The following DGKZ variants were observed in gnomAD, a reference collection of about 807,000 sequenced individuals.
The protein encoded by DGKZ is diacylglycerol kinase zeta.
Under a neutral mutation model 142.5 loss-of-function variants are expected in DGKZ, and 45 were observed. That is an observed-to-expected ratio of 0.32 (90% confidence interval 0.25 to 0.40). The LOEUF (loss-of-function observed/expected upper bound fraction) is 0.40. Among genes scored for constraint, DGKZ ranks in the 10% least tolerant of loss-of-function variants. The pLI, the probability that DGKZ is intolerant of heterozygous loss-of-function variation, is 1.00. For synonymous variants in DGKZ, 442 were observed against 527.0 expected (o/e 0.84, Z 2.21); for missense variants, 755 against 1,306.5 (o/e 0.58, Z 6.51).
In DGKZ at chr11:46,374,386, T is replaced by G; in HGVS notation, c.1406-13T>G. On this transcript the variant is annotated splice_polypyrimidine_tract_variant and intron_variant, in intron 15 of 30. Transcript: ENST00000527911. ...GGGTGACTCACTGGCCCCCACTGCTTGTCTCCACCCAGAGGCCAACCCAGA... is the reference window on the plus strand; with the variant it reads ...GGGTGACTCACTGGCCCCCACTGCTGGTCTCCACCCAGAGGCCAACCCAGA... 1 of 1,613,986 alleles carries G rather than the reference T, an allele frequency of 6.2e-7. No homozygotes were observed. The highest frequency in any genetic ancestry group is 8.5e-7 in the Non-Finnish European group (1 of 1,180,020).
At position 46,378,456 on chromosome 11, in the gene DGKZ, G is replaced by A; in HGVS notation, c.2375-1G>A. 1 of 1,601,910 alleles carries A rather than the reference G, an allele frequency of 6.2e-7. No homozygotes were observed. The highest frequency in any genetic ancestry group is 8.5e-7 in the Non-Finnish European group (1 of 1,172,624). On this transcript the variant is annotated splice_acceptor_variant, in intron 26 of 30. Coordinates refer to ENST00000527911, the Ensembl canonical transcript of DGKZ. LOFTEE classifies it high-confidence loss of function. The stretch of plus-strand genomic sequence containing the variant: ...GAGTAACAGGCAGGTATTCCGTGCA[G>A]GTGAAGAGCTGATTGAGGCTGCCAA...
At chr11:46,375,043 T>G in exon 19 of DGKZ, 1 of 1,594,616 alleles carries the variant, frequency 6.3e-7, no homozygotes, top group Non-Finnish European at 8.5e-7. Flanking sequence ...CATGACGTCG[T>G]TGGTGAGTGG....
chr11:46,342,671 C>A (rs1054289316), upstream of DGKZ, among the ~76,000 whole-genome samples: 2 of 152,178 alleles, frequency 1.3e-5, no homozygotes, highest in African/African-American at 2.4e-5. Context: ...GCCTTGGGGG[C>A]ATTACATGGC....
intron 4 of DGKZ, chr11:46,368,724 A>G (rs1231422691): frequency 5.5e-6 from 1 of 182,428 alleles, no homozygotes; most frequent in Admixed American, 5.4e-5. Context: ...ATAAGGCTGA[A>G]GTAGGGACAG....
At chr11:46,377,018 C>T (rs1162857831) in intron 24 of DGKZ, 55 bp from the exon 25 acceptor site, 1 of 1,513,776 alleles carries the variant, frequency 6.6e-7, no homozygotes, top group African/African-American at 1.4e-5. Flanking sequence ...GCCTTGCTGC[C>T]CCTCGGCCCC....
At chr11:46,373,063 G>C in exon 14 of DGKZ, 10 of 1,544,576 alleles carry the variant, frequency 6.5e-6, no homozygotes, top group Non-Finnish European at 7.9e-6. Flanking sequence ...CAACCCCGAG[G>C]CAGGGCCTGA....
chr11:46,376,134 A>T lies in DGKZ; in HGVS notation c.2080A>T (p.Arg694Ter). The T allele has an allele frequency of 6.2e-7, 1 of 1,610,924 alleles. No homozygotes were observed. Among genetic ancestry groups the T allele is most frequent in the Non-Finnish European group, 8.5e-7 (1 of 1,179,872 alleles). ...AGAGCTCTGCCGTGCCCACATTGAG[A>T]GACTCCAGCAGGTAAGGGGTGGGGG... The change falls in exon 22 of 31, where the codon AGA becomes TGA. Residue 694 changes from arginine (R) to a stop codon, truncating the protein, a stop_gained. Transcript: ENST00000527911. LOFTEE classifies it high-confidence loss of function.
chr11:46,361,957 C>G (rs1395737377), intron 1 of DGKZ: 1 of 152,552 alleles, frequency 6.6e-6, no homozygotes, highest in Non-Finnish European at 1.5e-5. Flanking sequence ...CCCACCTGCT[C>G]CCCGAGGTAC....
Position 46,367,705 on chromosome 11 carries a change from C to T in DGKZ, c.324C>T (p.Asp108=), listed in dbSNP as rs779045779. 2 of 1,612,104 alleles carry T rather than the reference C, an allele frequency of 1.2e-6. No homozygotes were observed. The highest frequency in any genetic ancestry group is 2.7e-5 in the African/African-American group (2 of 74,904). The change falls in exon 3 of 31, where the codon GAC becomes GAT. Residue 108 remains aspartate, a synonymous_variant. Transcript: ENST00000527911. This position sits in a 1 kb window ranked among gnomAD's most constrained non-coding sequence, Gnocchi z 4.1. ...GGTTCGAGACCAACGTGTCCGGGGA[C>T]TTCTGCTACGTTGGGGAGCAGTACT... is the stretch of plus-strand genomic sequence containing the variant.
chr11:46,373,108 T>A lies in DGKZ; in HGVS notation c.1326+7T>A, dbSNP rs920073888. 2 of 1,541,448 alleles carry A rather than the reference T, an allele frequency of 1.3e-6. No homozygotes were observed. Among genetic ancestry groups the A allele is most frequent in the Non-Finnish European group, 1.7e-6 (2 of 1,143,830 alleles). On this transcript the variant is annotated splice_region_variant and intron_variant, in intron 14 of 30. Transcript: ENST00000527911. ...TGAAGGCGCCACCGACCGGGTAAGT[T>A]GGCCAGGGTTGGTGGGGGGCAGGGC...
chr11:46,358,780 CGGCTTCCTCA>C (rs1590474967), intron 1 of DGKZ, among the ~76,000 whole-genome samples: 1 of 152,212 alleles, frequency 6.6e-6, no homozygotes, highest in African/African-American at 2.4e-5. Context: ...TAGAGCCTGA[CGGCTTCCTCA>C]GGCTTAAAAT....
At chr11:46,345,834 G>GC (rs1304548456), upstream of DGKZ, among the ~76,000 whole-genome samples, 3 of 152,074 alleles carry the variant, frequency 2.0e-5, no homozygotes, top group African/African-American at 7.2e-5. The surrounding 1 kb of genome is among the most constrained non-coding windows in gnomAD (Gnocchi z 4.1). Context: ...GGGAAGAGGA[G>GC]CCCCCCCAGG....
upstream of DGKZ, chr11:46,347,295 G>C: frequency 1.0e-6 from 1 of 984,656 alleles, no homozygotes; most frequent in South Asian, 4.7e-5. This position sits in a 1 kb window ranked among gnomAD's most constrained non-coding sequence, Gnocchi z 6.4. Context: ...CTGCTGCCCC[G>C]CCCATTCGTC....
chr11:46,363,476 G>A (rs1221577701), intron 1 of DGKZ, among the ~76,000 whole-genome samples: 1 of 152,188 alleles, frequency 6.6e-6, no homozygotes, highest in African/African-American at 2.4e-5. Context: ...CGGCATCATC[G>A]GCCGCCGAGG....
intron 1 of DGKZ, among the ~76,000 whole-genome samples, chr11:46,353,686 G>A (rs936328415): frequency 2.6e-5 from 4 of 152,160 alleles, no homozygotes; most frequent in African/African-American, 9.7e-5. Context: ...AGGGAAGATC[G>A]CTTCACTCGT....
rs972832381 is a variant in DGKZ, at chr11:46,335,141, C to A, written c.212+1654C>A. 3.3e-5 allele frequency among the ~76,000 whole-genome samples: 5 copies of A among 152,050 alleles called. No homozygotes were observed. The South Asian group carries it at 8.3e-4, about 25-fold the overall frequency. ...CCAGCCTGGCCAACATGGTGAAACC[C>A]TGTCTCTACTAAATATACAAAAATT... is the stretch of plus-strand genomic sequence containing the variant. On this transcript the variant is annotated intron_variant, in intron 1 of 30. Transcript: ENST00000343674.
intron 1 of DGKZ, among the ~76,000 whole-genome samples, chr11:46,357,626 T>G (rs1245295105): frequency 6.6e-6 from 1 of 152,268 alleles, no homozygotes; most frequent in Non-Finnish European, 1.5e-5. Context: ...CTGGACTCAC[T>G]GCCAGGCACC....
At chr11:46,352,522 G>A (rs1203426607) in intron 1 of DGKZ, among the ~76,000 whole-genome samples, 2 of 152,202 alleles carry the variant, frequency 1.3e-5, no homozygotes, top group Non-Finnish European at 2.9e-5. Flanking sequence ...CAGCCAGGTG[G>A]CCTTGACTCA....
intron 1 of DGKZ, among the ~76,000 whole-genome samples, chr11:46,352,828 G>T (rs1303526329): frequency 6.6e-6 from 1 of 152,230 alleles, no homozygotes; most frequent in African/African-American, 2.4e-5. Flanking sequence ...TCCGTGTCGG[G>T]GTCAGCCCCA....
Sources: gnomAD v4.1 joint callset for allele counts (sites outside exome capture counted in the v4.1 genomes callset) on GRCh38, gnomAD v4.1.1 for gene constraint, Gnocchi (gnomAD v3.1) non-coding constraint, MANE v1.5 for transcripts, NCBI Gene and HGNC (gene_info 2026-07-23, HGNC 2026-07-21) for gene names.